The following WWOX variants were observed in gnomAD, a reference collection of about 807,000 sequenced individuals.
WWOX encodes WW domain-containing oxidoreductase.
A neutral mutation model predicts 46.2 loss-of-function variants in WWOX; 69 were observed. The ratio of observed to expected loss-of-function variants is 1.49; its 90% CI spans 1.23 to 1.82. WWOX has a LOEUF of 1.82. Among genes scored for constraint, WWOX ranks in the 40% most tolerant of loss-of-function variants. WWOX has a pLI of 0.00. For synonymous variants in WWOX, 359 were observed against 202.6 expected, an observed-to-expected ratio of 1.77 and a Z score of -6.56; for missense variants, 919 against 542.6, an observed-to-expected ratio of 1.69 and a Z score of -6.89.
At chr16:78,821,393 T>A (rs1455764255) in intron 8 of WWOX, among the ~76,000 whole-genome samples, 2 of 152,080 alleles carry the variant, frequency 1.3e-5, no homozygotes, top group Non-Finnish European at 2.9e-5. Flanking sequence ...TATCCTTCTT[T>A]CCCCCTGCTC....
intron 8 of WWOX, among the ~76,000 whole-genome samples, chr16:78,758,947 A>G (rs1002806198): frequency 6.6e-6 from 1 of 152,002 alleles, no homozygotes; most frequent in East Asian, 1.9e-4. Context: ...CAAAAAAAAA[A>G]AAAACAAAAA....
rs76265006 is a variant in WWOX at position 78,843,356 on chromosome 16, C to G, written c.1057-368252C>G. Among the ~76,000 whole-genome samples the G allele has an allele frequency of 4.8e-3, 722 of 150,268 alleles. 15 individuals carry two copies. The highest frequency in any genetic ancestry group is 0.016 in the African/African-American group (682 of 41,442). On this transcript the variant is annotated intron_variant, in intron 8 of 8. Transcript: ENST00000566780. ...AGGTCAGTGCCATGTCCAACCCAAT[C>G]TGGAAAACGATTATTGTGGTGCCTG...
At chr16:78,355,439 A>G (rs969392422) in intron 5 of WWOX, 1 of 313,572 alleles carries the variant, frequency 3.2e-6, no homozygotes, top group African/African-American at 2.3e-5. Flanking sequence ...TGTCTCTACT[A>G]AAAGTACAAA....
chr16:79,029,398 A>G (rs1278017915), intron 8 of WWOX, among the ~76,000 whole-genome samples: 1 of 152,212 alleles, frequency 6.6e-6, no homozygotes, highest in Non-Finnish European at 1.5e-5. Context: ...CATCATGTCC[A>G]TCAGCACCAT....
chr16:78,272,325 C>G (rs1432808989), intron 5 of WWOX, among the ~76,000 whole-genome samples: 2 of 152,122 alleles, frequency 1.3e-5, no homozygotes, highest in South Asian at 2.1e-4. Flanking sequence ...GACTCTTACC[C>G]AGAGCCCTAC....
At chr16:78,845,649 C>A (rs2052278881) in intron 8 of WWOX, among the ~76,000 whole-genome samples, 1 of 152,128 alleles carries the variant, frequency 6.6e-6, no homozygotes, top group South Asian at 2.1e-4. Flanking sequence ...AAAAATAACT[C>A]CAAGCTATGA....
At chr16:78,615,814 A>G (rs2046009322) in intron 8 of WWOX, among the ~76,000 whole-genome samples, 1 of 151,340 alleles carries the variant, frequency 6.6e-6, no homozygotes, top group African/African-American at 2.4e-5. Flanking sequence ...GCAGTGGCAC[A>G]GTCTCCGCTC....
At chr16:78,835,651 C>T (rs533199055) in intron 8 of WWOX, among the ~76,000 whole-genome samples, 8 of 152,286 alleles carry the variant, frequency 5.3e-5, no homozygotes, top group African/African-American at 1.2e-4. Flanking sequence ...AGAGATGCGA[C>T]GTGACTTGCC....
chr16:78,253,490 T>C (rs2038039573), intron 5 of WWOX, among the ~76,000 whole-genome samples: 1 of 152,146 alleles, frequency 6.6e-6, no homozygotes, highest in Admixed American at 6.6e-5. Context: ...ACTGGGTTAG[T>C]AAGTGGCAGA....
intron 5 of WWOX, among the ~76,000 whole-genome samples, chr16:78,221,756 CAT>C (rs1235511585): frequency 6.6e-6 from 1 of 152,180 alleles, no homozygotes; most frequent in East Asian, 1.9e-4. Context: ...ACCATCCATT[CAT>C]GTGTAATCCC....
chr16:78,801,630 C>T (rs916993349), intron 8 of WWOX, among the ~76,000 whole-genome samples: 2 of 152,190 alleles, frequency 1.3e-5, no homozygotes, highest in Non-Finnish European at 2.9e-5. Flanking sequence ...TTAACAATTT[C>T]TCTCCTTAAC....
At chr16:78,529,274 G>T (rs895035765) in intron 8 of WWOX, among the ~76,000 whole-genome samples, 3 of 152,050 alleles carry the variant, frequency 2.0e-5, no homozygotes, top group Admixed American at 6.5e-5. Context: ...CTATTATATA[G>T]ATTTTAATTA....
At chr16:78,509,404 A>G (rs1047172447) in intron 8 of WWOX, among the ~76,000 whole-genome samples, 2 of 151,448 alleles carry the variant, frequency 1.3e-5, no homozygotes, top group Admixed American at 6.6e-5. Flanking sequence ...GCACCACTGC[A>G]TTCCAGCATT....
At chr16:78,756,984 G>T (rs562838320) in intron 8 of WWOX, 378 of 702,968 alleles carry the variant, frequency 5.4e-4, no homozygotes, top group South Asian at 4.6e-3. Context: ...GCATACCCGT[G>T]TAGAAGAACT....
chr16:78,901,007 C>G (rs1348079032), intron 8 of WWOX, among the ~76,000 whole-genome samples: 2 of 152,092 alleles, frequency 1.3e-5, no homozygotes, highest in Non-Finnish European at 2.9e-5. Flanking sequence ...TTGAAGTTTC[C>G]AAGAACATGT....
chr16:78,334,833 TACACACACACACACAC>T (rs907694061), intron 5 of WWOX, among the ~76,000 whole-genome samples: 13 of 104,452 alleles, frequency 1.2e-4, no homozygotes, highest in Non-Finnish European at 1.9e-4. Context: ...CACACACACA[TACACACACACACACAC>T]ACACACAAAA....
chr16:78,188,449 C>G (rs886565819), intron 5 of WWOX, among the ~76,000 whole-genome samples: 2 of 147,706 alleles, frequency 1.4e-5, no homozygotes, highest in East Asian at 4.0e-4. Context: ...GATTGTGCCA[C>G]TGCACTCCAG....
chr16:78,379,970 G>T (rs946549673), intron 5 of WWOX, among the ~76,000 whole-genome samples: 1 of 152,190 alleles, frequency 6.6e-6, no homozygotes, highest in Non-Finnish European at 1.5e-5. Context: ...TCTGGAAAAC[G>T]CATTCATCTT....
intron 8 of WWOX, among the ~76,000 whole-genome samples, chr16:78,976,767 T>C (rs1282006947): frequency 6.6e-6 from 1 of 152,192 alleles, no homozygotes; most frequent in Non-Finnish European, 1.5e-5. Context: ...GCAACTACCG[T>C]TTAAAATACT....
Sources: allele counts gnomAD v4.1 joint callset (sites outside exome capture counted in the v4.1 genomes callset), GRCh38; gene constraint gnomAD v4.1.1; transcripts MANE v1.5; gene names NCBI Gene and HGNC (gene_info 2026-07-23, HGNC 2026-07-21).